PDE3A: variants seen among roughly 807,000 people sequenced by gnomAD.
PDE3A encodes cGMP-inhibited 3',5'-cyclic phosphodiesterase 3A.
In PDE3A, 43 loss-of-function variants were observed where a neutral mutation model predicts 98.3. The ratio of observed to expected loss-of-function variants is 0.44; its 90% confidence interval spans 0.34 to 0.56. The LOEUF is 0.56. Ranked by LOEUF, PDE3A falls within the 20% of genes least tolerant of loss-of-function variation. PDE3A has a pLI of 0.01. For missense variants in PDE3A, 1,427 were observed against 1,440.7 expected, an observed-to-expected ratio of 0.99 and a Z score of 0.15; for synonymous variants, 663 against 567.9, an observed-to-expected ratio of 1.17 and a Z score of -2.38.
chr12:20,644,907 T>C (rs1235815795), intron 10 of PDE3A, among the ~76,000 whole-genome samples: 19 of 100,256 alleles, frequency 1.9e-4, no homozygotes, highest in African/African-American at 6.6e-4. Context: ...TTTTTTTTTT[T>C]GGATACAGTT....
intron 2 of PDE3A, among the ~76,000 whole-genome samples, chr12:20,568,046 A>AATGAT (rs1473821613): frequency 7.2e-5 from 11 of 152,050 alleles, no homozygotes; most frequent in African/African-American, 2.4e-4. Flanking sequence ...GCAAGTTTGA[A>AATGAT]ATGATATACT....
In PDE3A at chr12:20,616,374, C is replaced by A; in HGVS notation, c.1414C>A (p.Pro472Thr). ...CACCAGCATCAAACTGCAGGAAGCACCTTCATCCAGGTGGCATACGGCTCC... is the reference window on the plus strand; with the variant it reads ...CACCAGCATCAAACTGCAGGAAGCAACTTCATCCAGGTGGCATACGGCTCC... ...RSTSIKLQEAPSSSPDSWNNP... is the reference protein window; with the variant it reads ...RSTSIKLQEATSSSPDSWNNP... Residue 472 changes from proline (P) to threonine (T), a missense_variant, in exon 4 of 16, where the codon CCT becomes ACT. Pro to Thr is a conservative substitution (Grantham distance 38). Transcript: ENST00000359062. 1.2e-6 allele frequency: 2 copies of A among 1,612,798 alleles called. No homozygotes were observed. The highest frequency in any genetic ancestry group is 2.2e-5 in the East Asian group (1 of 44,844).
intron 2 of PDE3A, among the ~76,000 whole-genome samples, chr12:20,570,633 T>G (rs1041711399): frequency 6.6e-6 from 1 of 152,126 alleles, no homozygotes. Context: ...CATAGAGAAG[T>G]GTCTGTTAGA....
Position 20,552,549 on chromosome 12 carries a change from C to T in PDE3A, c.961-4111C>T. 2 of 1,613,562 alleles carry T rather than the reference C, an allele frequency of 1.2e-6. No individual in the cohort carries two copies. The highest frequency in any genetic ancestry group is 1.7e-6 in the Non-Finnish European group (2 of 1,179,744). On this transcript the variant is annotated intron_variant, in intron 1 of 15. Coordinates refer to ENST00000359062, the MANE Select transcript of PDE3A (RefSeq NM_000921.5). This position sits in a 1 kb window ranked among gnomAD's most constrained non-coding sequence, Gnocchi z 5.1. Reference sequence around the variant, plus strand: ...AGCAGGAGGGGGGCTTCGCGTCCCCCAGGACGGGCAAGGGCAAGTGGAAGC... The same window carrying T: ...AGCAGGAGGGGGGCTTCGCGTCCCCTAGGACGGGCAAGGGCAAGTGGAAGC...
rs199959208 is a variant in PDE3A, at chr12:20,551,769, CAAG to C, written c.961-4884_961-4882del. The C allele has an allele frequency of 2.7e-3, 4,417 of 1,613,752 alleles. 119 individuals are homozygous for C. In the African/African-American group the frequency reaches 0.053, roughly 19 times the overall value. ...TGGCGGGAGAGCGGCTGAGAGAGAG[CAAG>C]AAGAAGGCGAAGATGGCCTCGGCCA... On this transcript the variant is annotated intron_variant, in intron 1 of 15. Transcript: ENST00000359062.
At chr12:20,653,803 G>GTGTT in intron 14 of PDE3A, 144 bp from the exon 15 acceptor site, 1 of 792,436 alleles carries the variant, frequency 1.3e-6, no homozygotes, top group East Asian at 2.5e-5. Context: ...ATTAGCAACA[G>GTGTT]TGTTTCTATA....
At chr12:20,387,041 A>G (rs1474864329) in intron 1 of PDE3A, among the ~76,000 whole-genome samples, 1 of 152,102 alleles carries the variant, frequency 6.6e-6, no homozygotes, top group East Asian at 1.9e-4. Flanking sequence ...TCCTTTGCCC[A>G]TTGCTTGTTT....
At chr12:20,644,886 TC>T (rs1416452740) in intron 10 of PDE3A, among the ~76,000 whole-genome samples, 6 of 92,290 alleles carry the variant, frequency 6.5e-5, no homozygotes, top group African/African-American at 2.3e-4. Flanking sequence ...TTCCTCTTCT[TC>T]CTTCTTTTTT....
At chr12:20,462,786 A>G (rs1591957919) in intron 1 of PDE3A, among the ~76,000 whole-genome samples, 1 of 152,098 alleles carries the variant, frequency 6.6e-6, no homozygotes, top group African/African-American at 2.4e-5. Flanking sequence ...TAAGAAAGTA[A>G]AAGCTATACT....
At chr12:20,605,450 T>C (rs1005199014) in intron 2 of PDE3A, among the ~76,000 whole-genome samples, 1 of 152,348 alleles carries the variant, frequency 6.6e-6, no homozygotes, top group East Asian at 1.9e-4. Flanking sequence ...TTTTTAAATG[T>C]AAAATGCTTA....
intron 1 of PDE3A, among the ~76,000 whole-genome samples, chr12:20,527,170 C>T (rs943400632): frequency 5.9e-5 from 9 of 151,980 alleles, no homozygotes; most frequent in East Asian, 1.9e-4. Context: ...CTGCCTGCCT[C>T]GGATTACAGG....
intron 1 of PDE3A, among the ~76,000 whole-genome samples, chr12:20,386,837 A>G (rs1943820061): frequency 6.6e-6 from 1 of 152,048 alleles, no homozygotes; most frequent in Non-Finnish European, 1.5e-5. Flanking sequence ...TTTGTCATGA[A>G]ATCTTTGCCC....
rs10743382 is a variant in PDE3A at position 20,633,907 on chromosome 12, T to C, written c.1846+129T>C. The C allele has an allele frequency of 0.8, 454,982 of 570,370 alleles. 182,657 individuals carry two copies. Among genetic ancestry groups the C allele is most frequent in the East Asian group, 0.97 (31,144 of 32,262 alleles). 35.3% of individuals were successfully genotyped at this position (570,370 alleles called of 1,614,324 possible). On this transcript the variant is annotated intron_variant, in intron 7 of 15. Coordinates refer to ENST00000359062, the MANE Select transcript of PDE3A (RefSeq NM_000921.5). ...GGGAGACGGGGTCTCATGATGTTGG[T>C]CAGGTCGGTCTCAAACTCCTGGCCT...
chr12:20,439,031 G>A (rs1004575378), intron 1 of PDE3A, among the ~76,000 whole-genome samples: 6 of 152,022 alleles, frequency 3.9e-5, no homozygotes, highest in African/African-American at 1.4e-4. Flanking sequence ...CTGATCTCAG[G>A]TGATCTGCCT....
At chr12:20,589,027 A>G (rs1943257898) in intron 2 of PDE3A, among the ~76,000 whole-genome samples, 2 of 152,100 alleles carry the variant, frequency 1.3e-5, no homozygotes. Context: ...AGTTTACGCC[A>G]TTCTTCTGCC....
At chr12:20,396,002 C>T (rs1162292419) in intron 1 of PDE3A, among the ~76,000 whole-genome samples, 1 of 151,884 alleles carries the variant, frequency 6.6e-6, no homozygotes, top group Admixed American at 6.6e-5. Context: ...CTCAAGTGAC[C>T]CTCTGGCCTT....
chr12:20,369,759 C>T lies in PDE3A; in HGVS notation c.475C>T (p.Leu159=), dbSNP rs755667300. 2.5e-6 allele frequency: 4 copies of T among 1,612,642 alleles called. No individual in the cohort carries two copies. In the South Asian group the frequency reaches 3.3e-5, roughly 13 times the overall value. Residue 159 remains leucine, a synonymous_variant, in exon 1 of 16, where the codon CTG becomes TTG. Transcript: ENST00000359062. ...CCTGCGCGCCGGGGTGCGCCTGCCT[C>T]TGGCTGTCGCGCTGCTGGCCGCCTG... ...YLLRAGVRLP[L]AVALLAACCG... is the part of the protein sequence containing the mutation.
chr12:20,509,784 A>G (rs1345693340), intron 1 of PDE3A, among the ~76,000 whole-genome samples: 1 of 149,984 alleles, frequency 6.7e-6, no homozygotes, highest in African/African-American at 2.4e-5. Context: ...AATGAAGCTC[A>G]TATATTTTTT....
chr12:20,576,740 A>C (rs1014530616), intron 2 of PDE3A, among the ~76,000 whole-genome samples: 6 of 152,170 alleles, frequency 3.9e-5, no homozygotes, highest in African/African-American at 1.4e-4. Flanking sequence ...TCTTCTTGTC[A>C]GTTACAGAAA....
Sources: allele counts gnomAD v4.1 joint callset (sites outside exome capture counted in the v4.1 genomes callset), GRCh38; gene constraint gnomAD v4.1.1; non-coding constraint Gnocchi (gnomAD v3.1); transcripts MANE v1.5; gene names NCBI Gene and HGNC (gene_info 2026-07-23, HGNC 2026-07-21).